CAPN11: variants seen among roughly 807,000 people sequenced by gnomAD.
The protein encoded by CAPN11 is calpain-11.
In CAPN11, 108 loss-of-function variants were observed where a neutral mutation model predicts 105.3. That is an observed-to-expected ratio of 1.03 (90% CI 0.88 to 1.20). CAPN11 has a LOEUF of 1.20. Among genes scored for constraint, CAPN11 ranks in the 50% most tolerant of loss-of-function variants. The probability of loss-of-function intolerance (pLI) is 0.00; values close to 1 mark genes in which losing one functional copy is unlikely to be tolerated. For synonymous variants in CAPN11, 329 were observed against 344.5 expected (o/e 0.96, Z 0.50); for missense variants, 883 against 924.8 (o/e 0.95, Z 0.59).
At chr6:44,174,234 C>T (rs897984584) in intron 7 of CAPN11, among the ~76,000 whole-genome samples, 1 of 152,118 alleles carries the variant, frequency 6.6e-6, no homozygotes, top group African/African-American at 2.4e-5. Flanking sequence ...AGCCCCGAAA[C>T]AGGAAACAAC....
chr6:44,175,869 T>C (rs1771905706), intron 7 of CAPN11, among the ~76,000 whole-genome samples, 199 bp from the exon 8 acceptor site: 1 of 152,158 alleles, frequency 6.6e-6, no homozygotes, highest in Non-Finnish European at 1.5e-5. Flanking sequence ...GGAACCTGAG[T>C]ATGGGATACA....
At chr6:44,180,374 G>T in intron 14 of CAPN11, 86 bp from the exon 15 acceptor site, 2 of 1,324,450 alleles carry the variant, frequency 1.5e-6, no homozygotes, top group East Asian at 4.6e-5. Context: ...TTGCTTCAAA[G>T]ACATGACATG....
At chr6:44,165,470 A>G (rs1278789714) in intron 1 of CAPN11, among the ~76,000 whole-genome samples, 3 of 152,176 alleles carry the variant, frequency 2.0e-5, no homozygotes, top group Non-Finnish European at 4.4e-5. Context: ...ACTGCACTGG[A>G]TGTGGCTCTG....
chr6:44,160,123 A>T (rs1187940953), intron 1 of CAPN11, among the ~76,000 whole-genome samples: 1 of 152,072 alleles, frequency 6.6e-6, no homozygotes, highest in Non-Finnish European at 1.5e-5. Flanking sequence ...CGACACAGCG[A>T]GACTCCATCT....
intron 1 of CAPN11, among the ~76,000 whole-genome samples, chr6:44,162,383 A>AC (rs1178939665): frequency 4.8e-5 from 7 of 146,178 alleles, no homozygotes; most frequent in Non-Finnish European, 1.0e-4. Flanking sequence ...ACACACACAC[A>AC]CACACACACA....
At chr6:44,179,187 C>T (rs1772705384) in intron 12 of CAPN11, among the ~76,000 whole-genome samples, 1 of 152,144 alleles carries the variant, frequency 6.6e-6, no homozygotes, top group South Asian at 2.1e-4. Flanking sequence ...ACTTTTCAGC[C>T]ATCTGAGGTT....
intron 13 of CAPN11, 81 bp from the exon 14 acceptor site, chr6:44,179,871 C>A: frequency 8.5e-7 from 1 of 1,178,012 alleles, no homozygotes; most frequent in South Asian, 1.3e-5. Context: ...CAACCCTGCC[C>A]GGCCAGGCTG....
intron 10 of CAPN11, 41 bp downstream of exon 10, chr6:44,176,696 G>GC (rs765492777): frequency 1.2e-4 from 188 of 1,567,024 alleles, no homozygotes; most frequent in Non-Finnish European, 1.5e-4. Context: ...ACCACCCTAG[G>GC]CCCTGGTCCT....
intron 13 of CAPN11, 144 bp from the exon 14 acceptor site, chr6:44,179,808 C>G: frequency 2.3e-6 from 2 of 881,852 alleles, no homozygotes; most frequent in Admixed American, 1.9e-5. Context: ...GTTGGAGTTG[C>G]GGGCCACTTA....
chr6:44,183,007 A>C lies in CAPN11; in HGVS notation c.2005A>C (p.Ile669Leu). 1 of 1,612,500 alleles carries C rather than the reference A, an allele frequency of 6.2e-7. No individual in the cohort carries two copies. Among genetic ancestry groups the C allele is most frequent in the Non-Finnish European group, 8.5e-7 (1 of 1,179,010 alleles). ...TLNSYEMRLVIEKAGIKLNNK... is the reference protein window; with the variant it reads ...TLNSYEMRLVLEKAGIKLNNK... ...GAACTCCTATGAGATGCGCCTGGTTATTGAGAAAGCAGGTGGCCAAGGGTC... is the reference window on the plus strand; with the variant it reads ...GAACTCCTATGAGATGCGCCTGGTTCTTGAGAAAGCAGGTGGCCAAGGGTC... Residue 669 changes from isoleucine (I) to leucine (L), a missense_variant, in exon 20 of 23, where the codon ATT becomes CTT. Transcript: ENST00000398776.
At chr6:44,163,315 A>T (rs978847096) in intron 1 of CAPN11, among the ~76,000 whole-genome samples, 1 of 152,094 alleles carries the variant, frequency 6.6e-6, no homozygotes, top group African/African-American at 2.4e-5. Context: ...TCCATCCTCA[A>T]CACCCCCTGT....
intron 19 of CAPN11, among the ~76,000 whole-genome samples, chr6:44,181,567 A>AACCAC (rs1773400715): frequency 2.1e-5 from 1 of 47,520 alleles, no homozygotes; most frequent in Admixed American, 2.4e-4. Flanking sequence ...ATACAGACAC[A>AACCAC]ACCACACCAC....
chr6:44,170,949 TC>T (rs1244441175), intron 4 of CAPN11, among the ~76,000 whole-genome samples: 2 of 151,976 alleles, frequency 1.3e-5, no homozygotes, highest in African/African-American at 4.8e-5. Flanking sequence ...CTGAATTCTG[TC>T]CCCTTGGGGC....
At chr6:44,175,176 T>C (rs1582876369) in intron 7 of CAPN11, among the ~76,000 whole-genome samples, 1 of 152,096 alleles carries the variant, frequency 6.6e-6, no homozygotes. Flanking sequence ...GGTTTACAGA[T>C]TGCATCCATA....
At chr6:44,180,386 C>T (rs1332606689) in intron 14 of CAPN11, 74 bp from the exon 15 acceptor site, 4 of 1,400,056 alleles carry the variant, frequency 2.9e-6, no homozygotes, top group East Asian at 2.3e-5. Context: ...CATGACATGA[C>T]CCCCAGAGCA....
chr6:44,169,211 G>A, intron 2 of CAPN11, 70 bp from the exon 3 acceptor site: 1 of 1,472,612 alleles, frequency 6.8e-7, no homozygotes, highest in Non-Finnish European at 9.1e-7. Context: ...TGAGATTACA[G>A]GAGTGAACCA....
chr6:44,158,846 AG>A lies in CAPN11; in HGVS notation c.-2del. ...ACTGTCAAGCACCGAGCTAGCCACCAGCATGCTGTACTCCCCAGGTAGGCAC... is the reference window on the plus strand; with the variant it reads ...ACTGTCAAGCACCGAGCTAGCCACCACATGCTGTACTCCCCAGGTAGGCAC... On this transcript the variant is annotated 5_prime_UTR_variant, in exon 1 of 23. Coordinates refer to ENST00000398776, the MANE Select transcript of CAPN11 (RefSeq NM_007058.4). The A allele has an allele frequency of 6.4e-7, 1 of 1,551,366 alleles. No individual in the cohort carries two copies. Among genetic ancestry groups the A allele is most frequent in the Middle Eastern group, 1.7e-4 (1 of 5,988 alleles).
At chr6:44,173,948 C>G (rs10948127) in intron 7 of CAPN11, among the ~76,000 whole-genome samples, 10,506 of 152,194 alleles carry the variant, frequency 0.069, 448 homozygotes, top group Middle Eastern at 0.1. Context: ...CTGAAATTAT[C>G]TTGCTTATCT....
chr6:44,179,906 C>G, intron 13 of CAPN11, 46 bp from the exon 14 acceptor site: 3 of 1,488,600 alleles, frequency 2.0e-6, no homozygotes, highest in Non-Finnish European at 2.8e-6. Flanking sequence ...CCCTCCCTCC[C>G]TAACCTCCCA....
Sources: allele counts gnomAD v4.1 joint callset (sites outside exome capture counted in the v4.1 genomes callset), GRCh38; gene constraint gnomAD v4.1.1; transcripts MANE v1.5; gene names NCBI Gene and HGNC (gene_info 2026-07-23, HGNC 2026-07-21).